SYT14: variants seen among roughly 807,000 people sequenced by gnomAD.
SYT14 encodes the protein synaptotagmin-14.
Under a neutral mutation model 74.2 loss-of-function variants are expected in SYT14, and 32 were observed. The observed-to-expected ratio is 0.43, with a 90% CI of 0.33 to 0.58. The LOEUF is 0.58. Among genes scored for constraint, SYT14 ranks in the 20% least tolerant of loss-of-function variants. The pLI, the probability that SYT14 is intolerant of heterozygous loss-of-function variation, is 0.05. For missense variants in SYT14, 791 were observed against 981.8 expected, an observed-to-expected ratio of 0.81 and a Z score of 2.60; for synonymous variants, 298 against 337.7, an observed-to-expected ratio of 0.88 and a Z score of 1.29.
At chr1:210,021,538 A>G (rs1393322565) in intron 5 of SYT14, among the ~76,000 whole-genome samples, 2 of 152,242 alleles carry the variant, frequency 1.3e-5, no homozygotes, top group Admixed American at 1.3e-4. Context: ...GATATGAAAG[A>G]TGTGAATCTG....
chr1:210,167,944 A>C (rs978588747), exon 10 of SYT14: 6 of 152,192 alleles, frequency 3.9e-5, no homozygotes, highest in Non-Finnish European at 5.9e-5. Context: ...TGATACCCTG[A>C]CTTTTTTCTC....
chr1:210,083,024 A>G (rs1302862156), intron 5 of SYT14, among the ~76,000 whole-genome samples: 1 of 151,626 alleles, frequency 6.6e-6, no homozygotes, highest in East Asian at 1.9e-4. Context: ...TCAGTCACCC[A>G]AGCTGGAGTG....
At chr1:210,071,484 T>C (rs1286679622) in intron 5 of SYT14, among the ~76,000 whole-genome samples, 3 of 152,028 alleles carry the variant, frequency 2.0e-5, no homozygotes, top group Non-Finnish European at 4.4e-5. Flanking sequence ...AAGTTTCTTA[T>C]TATTTATGTG....
chr1:209,982,127 C>T (rs1412589197), intron 2 of SYT14, among the ~76,000 whole-genome samples: 1 of 151,916 alleles, frequency 6.6e-6, no homozygotes, highest in African/African-American at 2.4e-5. Flanking sequence ...TACATAGTCC[C>T]ATATTTCTCA....
intron 5 of SYT14, among the ~76,000 whole-genome samples, chr1:210,074,047 C>G (rs1572253026): frequency 6.6e-6 from 1 of 151,986 alleles, no homozygotes; most frequent in African/African-American, 2.4e-5. Context: ...AATCTGAAAA[C>G]AAATTTAGAA....
chr1:210,107,060 C>T (rs2082171801), intron 7 of SYT14, among the ~76,000 whole-genome samples: 1 of 152,214 alleles, frequency 6.6e-6, no homozygotes, highest in Admixed American at 6.5e-5. Flanking sequence ...ATGCCAAGTC[C>T]AAAATCCAAT....
At chr1:210,122,931 C>A (rs746038068) in intron 7 of SYT14, among the ~76,000 whole-genome samples, 8 of 152,168 alleles carry the variant, frequency 5.3e-5, no homozygotes, top group Non-Finnish European at 8.8e-5. Flanking sequence ...TTACATCTTA[C>A]TTAAATAATA....
chr1:210,049,058 C>T (rs572989017), intron 5 of SYT14, among the ~76,000 whole-genome samples: 20 of 152,338 alleles, frequency 1.3e-4, no homozygotes, highest in South Asian at 4.1e-4. Flanking sequence ...TGGGCATCTC[C>T]GCCCCTGTGG....
chr1:210,135,970 C>G (rs1323706452), intron 7 of SYT14, among the ~76,000 whole-genome samples: 1 of 152,178 alleles, frequency 6.6e-6, no homozygotes, highest in Non-Finnish European at 1.5e-5. Context: ...CCTTCCAGCA[C>G]TTCTTTCCTT....
At position 210,013,813 on chromosome 1, in the gene SYT14, C is replaced by A; in HGVS notation, c.-321+16C>A. On this transcript the variant is annotated intron_variant, in intron 3 of 9. Transcript: ENST00000637265. ...GATAAAATTTGTAAGTATCGTATTG[C>A]TGCTTCTCTTGTTTGTTCTTTTTAT... 2 of 1,607,444 alleles carry A rather than the reference C, an allele frequency of 1.2e-6. No homozygotes were observed. The highest frequency in any genetic ancestry group is 1.7e-6 in the Non-Finnish European group (2 of 1,177,350).
chr1:210,021,648 A>G (rs1254806598), intron 5 of SYT14, among the ~76,000 whole-genome samples: 8 of 152,172 alleles, frequency 5.3e-5, no homozygotes, highest in Admixed American at 4.6e-4. Flanking sequence ...GTGTAAATGT[A>G]TACTGTCTCA....
intron 6 of SYT14, among the ~76,000 whole-genome samples, chr1:210,097,714 T>G (rs980818548): frequency 6.6e-6 from 1 of 152,208 alleles, no homozygotes; most frequent in Non-Finnish European, 1.5e-5. Context: ...ATTAACACAT[T>G]TTGCTCTAAA....
intron 5 of SYT14, among the ~76,000 whole-genome samples, chr1:210,082,521 C>T (rs79124991): frequency 4.6e-5 from 7 of 152,250 alleles, no homozygotes; most frequent in African/African-American, 1.2e-4. Context: ...ATGTATTCCC[C>T]GTGAGACTAT....
At chr1:210,034,343 C>T (rs911395020) in intron 5 of SYT14, among the ~76,000 whole-genome samples, 1 of 151,732 alleles carries the variant, frequency 6.6e-6, no homozygotes, top group Admixed American at 6.6e-5. Context: ...GTAACTGTTA[C>T]ACCCAAGTAA....
chr1:210,027,092 G>T (rs1168960698), intron 5 of SYT14, among the ~76,000 whole-genome samples: 1 of 152,114 alleles, frequency 6.6e-6, no homozygotes, highest in Non-Finnish European at 1.5e-5. Flanking sequence ...TTGACTGGAA[G>T]CCTTTATTGA....
chr1:210,113,528 A>G (rs549803294), intron 7 of SYT14, among the ~76,000 whole-genome samples: 1 of 151,358 alleles, frequency 6.6e-6, no homozygotes, highest in African/African-American at 2.5e-5. Context: ...ACAGGCTTTA[A>G]TCCTTTTAAA....
At chr1:210,005,801 T>C (rs2079978987) in intron 2 of SYT14, among the ~76,000 whole-genome samples, 1 of 152,000 alleles carries the variant, frequency 6.6e-6, no homozygotes, top group Admixed American at 6.6e-5. Context: ...GTACATTAAG[T>C]ATTATTAAGT....
chr1:209,959,676 C>T (rs770465959), intron 2 of SYT14, among the ~76,000 whole-genome samples: 2 of 152,076 alleles, frequency 1.3e-5, no homozygotes, highest in Non-Finnish European at 2.9e-5. Context: ...CAAAAGGCCA[C>T]ATATCATGTA....
At chr1:210,042,564 A>G (rs899231756) in intron 5 of SYT14, among the ~76,000 whole-genome samples, 1 of 152,184 alleles carries the variant, frequency 6.6e-6, no homozygotes, top group African/African-American at 2.4e-5. Context: ...ATACAGTTTC[A>G]GTTTTCTGCT....
Sources: allele counts gnomAD v4.1 joint callset (sites outside exome capture counted in the v4.1 genomes callset), GRCh38; gene constraint gnomAD v4.1.1; transcripts MANE v1.5; gene names NCBI Gene and HGNC (gene_info 2026-07-23, HGNC 2026-07-21).